Variants in GRIK1 observed in about 807,000 individuals in gnomAD.
GRIK1 encodes the protein glutamate ionotropic receptor kainate type subunit 1.
GRIK1 carries 69 observed loss-of-function variants against 105.7 expected under a neutral mutation model. The observed-to-expected ratio is 0.65, with a 90% CI of 0.54 to 0.80. The LOEUF (loss-of-function observed/expected upper bound fraction) is 0.80. Among genes scored for constraint, GRIK1 ranks in the 30% least tolerant of loss-of-function variants. GRIK1 has a pLI of 0.00. For synonymous variants in GRIK1, 438 were observed against 431.3 expected, an observed-to-expected ratio of 1.02 and a Z score of -0.19; for missense variants, 1,109 against 1,167.3, an observed-to-expected ratio of 0.95 and a Z score of 0.73.
chr21:29,687,198 C>T (rs1024056155), intron 3 of GRIK1, among the ~76,000 whole-genome samples: 1 of 152,108 alleles, frequency 6.6e-6, no homozygotes, highest in Non-Finnish European at 1.5e-5. Flanking sequence ...CATTTGGTCC[C>T]GCGACATCTG....
At chr21:29,557,500 C>G (rs367807914) in intron 15 of GRIK1, among the ~76,000 whole-genome samples, 19 of 152,288 alleles carry the variant, frequency 1.2e-4, no homozygotes, top group African/African-American at 4.6e-4. Flanking sequence ...ACTCCCACCC[C>G]TACATAAGCC....
At chr21:29,546,289 A>G (rs2090048909) in intron 16 of GRIK1, among the ~76,000 whole-genome samples, 1 of 152,130 alleles carries the variant, frequency 6.6e-6, no homozygotes, top group East Asian at 1.9e-4. Flanking sequence ...GCATTCTCTG[A>G]GATTGAGGAA....
rs549518054 is a variant in GRIK1 at position 29,920,279 on chromosome 21, T to C, written c.118+19104A>G. Among the ~76,000 whole-genome samples, 94 of 152,212 alleles carry C rather than the reference T, an allele frequency of 6.2e-4. 3 individuals are homozygous for C. Among genetic ancestry groups the C allele is most frequent in the African/African-American group, 2.2e-3 (91 of 41,490 alleles). On this transcript the variant is annotated intron_variant, in intron 1 of 17. Coordinates refer to ENST00000327783, the MANE Select transcript of GRIK1 (RefSeq NM_001330994.2). The stretch of plus-strand genomic sequence containing the variant: ...GAGGAATAGTTTCATTTTCCCATTA[T>C]TAGAAAGGGCTACTATATGTACACA...
intron 1 of GRIK1, among the ~76,000 whole-genome samples, chr21:29,802,014 AT>A: frequency 6.6e-6 from 1 of 152,230 alleles, no homozygotes; most frequent in East Asian, 1.9e-4. Context: ...CTTGGCATTT[AT>A]TTCTCCCTGA....
Position 29,674,095 on chromosome 21 carries a change from G to A in GRIK1, c.545-931C>T, listed in dbSNP as rs141455882. Among the ~76,000 whole-genome samples the A allele has an allele frequency of 2.9e-3, 438 of 149,298 alleles. 1 individual carries two copies. Among genetic ancestry groups the A allele is most frequent in the African/African-American group, 8.8e-3 (357 of 40,754 alleles). On this transcript the variant is annotated intron_variant, in intron 3 of 17. Coordinates refer to ENST00000327783, the MANE Select transcript of GRIK1 (RefSeq NM_001330994.2). ...TTTTGTTGTTTTTTTTTTTTAGTATGCAGTTCTGTACCTTCAGGATTTGTC... is the reference window on the plus strand; with the variant it reads ...TTTTGTTGTTTTTTTTTTTTAGTATACAGTTCTGTACCTTCAGGATTTGTC...
chr21:29,717,956 T>A (rs1382832730), intron 1 of GRIK1, among the ~76,000 whole-genome samples: 6 of 152,126 alleles, frequency 3.9e-5, no homozygotes, highest in African/African-American at 1.4e-4. Context: ...TGGGGGTGGT[T>A]ACCCTATGCT....
intron 1 of GRIK1, among the ~76,000 whole-genome samples, chr21:29,918,880 A>C (rs1169215937): frequency 1.3e-5 from 2 of 152,060 alleles, no homozygotes; most frequent in Non-Finnish European, 1.5e-5. Context: ...CTAGGTCAGC[A>C]TTCTGGCAGA....
At chr21:29,835,027 G>C (rs2067750418) in intron 1 of GRIK1, among the ~76,000 whole-genome samples, 1 of 151,986 alleles carries the variant, frequency 6.6e-6, no homozygotes. Context: ...TTTCTACTAT[G>C]CTCTTTCTGA....
At chr21:29,924,298 C>T (rs1248824556) in intron 1 of GRIK1, among the ~76,000 whole-genome samples, 2 of 149,270 alleles carry the variant, frequency 1.3e-5, no homozygotes, top group African/African-American at 5.0e-5. Context: ...GATCATGCCA[C>T]TGCACTCCAG....
chr21:29,651,194 A>G lies in GRIK1; in HGVS notation c.878T>C (p.Ile293Thr). ...TCTCTCCATGGACCACTTCTCAATG[A>G]TGGATGACACGTGAGGGTTGTCAAT... ...LNIDNPHVSS[I>T]IEKWSMERLQ... The change falls in exon 6 of 18, where the codon ATC becomes ACC. Residue 293 changes from isoleucine (I) to threonine (T), a missense_variant. This residue lies in a region of GRIK1 where 612 missense variants were observed against 586.0 expected (regional missense o/e 1.04). Transcript: ENST00000327783. 3 of 1,613,880 alleles carry G rather than the reference A, an allele frequency of 1.9e-6. No individual in the cohort carries two copies. Among genetic ancestry groups the G allele is most frequent in the Non-Finnish European group, 2.5e-6 (3 of 1,179,754 alleles).
At chr21:29,933,975 T>G (rs2071660254) in intron 1 of GRIK1, among the ~76,000 whole-genome samples, 1 of 143,454 alleles carries the variant, frequency 7.0e-6, no homozygotes, top group African/African-American at 2.6e-5. Context: ...TCCTCTAGTC[T>G]AAATAGCTTT....
chr21:29,773,219 C>CT (rs2065857399), intron 1 of GRIK1, among the ~76,000 whole-genome samples: 2 of 152,196 alleles, frequency 1.3e-5, no homozygotes, highest in Non-Finnish European at 2.9e-5. Context: ...GTAAGTCCTT[C>CT]TTCTGAACAT....
In GRIK1 at chr21:29,697,294, T is replaced by G. The variant is rs137933666; in HGVS notation, c.119-3231A>C. On this transcript the variant is annotated intron_variant, in intron 1 of 17. Coordinates refer to ENST00000327783, the MANE Select transcript of GRIK1 (RefSeq NM_001330994.2). ...TTTTTTTATTATCGTACCTGGATAATGGAAATAAAAAGAGGAGTTGGCACC... is the reference window on the plus strand; with the variant it reads ...TTTTTTTATTATCGTACCTGGATAAGGGAAATAAAAAGAGGAGTTGGCACC... 2.2e-3 allele frequency among the ~76,000 whole-genome samples: 332 copies of G among 152,290 alleles called. 1 individual carries two copies. The highest frequency in any genetic ancestry group is 7.7e-3 in the African/African-American group (318 of 41,564).
intron 1 of GRIK1, among the ~76,000 whole-genome samples, chr21:29,744,899 A>C (rs2145617737): frequency 6.6e-6 from 1 of 152,334 alleles, no homozygotes; most frequent in Admixed American, 6.5e-5. Context: ...AGAAGAGGAA[A>C]GTCGGCTTAG....
At chr21:29,888,207 C>T (rs1001425393) in intron 1 of GRIK1, among the ~76,000 whole-genome samples, 3,986 of 8,176 alleles carry the variant, frequency 0.49, 676 homozygotes, top group Non-Finnish European at 0.55. Flanking sequence ...CTCTCTCTCT[C>T]TCTCTCTCTC....
At chr21:29,692,041 C>G (rs2063594160) in intron 2 of GRIK1, among the ~76,000 whole-genome samples, 1 of 152,164 alleles carries the variant, frequency 6.6e-6, no homozygotes, top group Admixed American at 6.5e-5. Flanking sequence ...GCATGTGGAG[C>G]TGGATAGTGT....
intron 3 of GRIK1, among the ~76,000 whole-genome samples, chr21:29,689,353 A>G (rs1230724761): frequency 2.0e-5 from 3 of 152,192 alleles, no homozygotes; most frequent in Admixed American, 2.0e-4. Context: ...AAACATTTAC[A>G]TAGCTACTTA....
At chr21:29,669,830 C>T (rs1394464803) in intron 4 of GRIK1, among the ~76,000 whole-genome samples, 1 of 152,132 alleles carries the variant, frequency 6.6e-6, no homozygotes, top group East Asian at 1.9e-4. Flanking sequence ...CAGCCAGAAT[C>T]AGGACCCAGA....
chr21:29,936,921 AT>A (rs1159978241), intron 1 of GRIK1, among the ~76,000 whole-genome samples: 10 of 152,216 alleles, frequency 6.6e-5, no homozygotes, highest in South Asian at 2.1e-4. Flanking sequence ...TACTTTGAAT[AT>A]TTTAAGTCAC....
Sources: gnomAD v4.1 joint callset for allele counts (sites outside exome capture counted in the v4.1 genomes callset) on GRCh38, gnomAD v4.1.1 for gene constraint, gnomAD v4.1.1 regional missense constraint, MANE v1.5 for transcripts, NCBI Gene and HGNC (gene_info 2026-07-23, HGNC 2026-07-21) for gene names.